MAL2: variants seen among roughly 807,000 people sequenced by gnomAD.
MAL2 encodes the protein protein MAL2.
In MAL2, 17 loss-of-function variants were observed where a neutral mutation model predicts 18.1. That is an observed-to-expected ratio of 0.94 (90% CI 0.64 to 1.41). The LOEUF (loss-of-function observed/expected upper bound fraction) is 1.41, where lower values mean the gene tolerates loss of function less well. Among genes scored for constraint, MAL2 ranks in the 40% most tolerant of loss-of-function variants. MAL2 has a pLI of 0.00. For missense variants in MAL2, 222 were observed against 231.9 expected, an observed-to-expected ratio of 0.96 and a Z score of 0.28; for synonymous variants, 102 against 102.3, an observed-to-expected ratio of 1.00 and a Z score of 0.02.
chr8:119,240,459 A>G, intron 3 of MAL2, 139 bp downstream of exon 3: 1 of 885,552 alleles, frequency 1.1e-6, no homozygotes. Context: ...ATTTATCTGT[A>G]CAATAACCTT....
chr8:119,236,288 A>G (rs1306517407), intron 2 of MAL2, among the ~76,000 whole-genome samples: 1 of 141,592 alleles, frequency 7.1e-6, no homozygotes, highest in African/African-American at 2.8e-5. Context: ...ACCCAGATTC[A>G]TAAAGCAAGT....
At chr8:119,234,195 GACGGACGC>G (rs1469927122) in intron 2 of MAL2, among the ~76,000 whole-genome samples, 3 of 152,208 alleles carry the variant, frequency 2.0e-5, no homozygotes, top group African/African-American at 7.2e-5. Flanking sequence ...AGAAAGGGGT[GACGGACGC>G]ACCGGGAAAA....
At chr8:119,226,040 CAAAAATTTTCTCCCATTCTGTA>C (rs1233146078) in intron 2 of MAL2, among the ~76,000 whole-genome samples, 27 of 151,974 alleles carry the variant, frequency 1.8e-4, no homozygotes, top group Non-Finnish European at 2.4e-4. Context: ...GAGTAGATTG[CAAAAATTTTCTCCCATTCTGTA>C]AAAAATTTTC....
At chr8:119,212,990 AAC>A (rs1817288902) in intron 1 of MAL2, among the ~76,000 whole-genome samples, 1 of 152,190 alleles carries the variant, frequency 6.6e-6, no homozygotes, top group Admixed American at 6.5e-5. Flanking sequence ...TTGGTTGTAA[AAC>A]AAAGGGACTG....
intron 1 of MAL2, among the ~76,000 whole-genome samples, chr8:119,218,113 C>T (rs919798286): frequency 1.3e-5 from 2 of 152,076 alleles, no homozygotes; most frequent in Non-Finnish European, 2.9e-5. Flanking sequence ...AAAGTGGGCT[C>T]AATTATGTTC....
chr8:119,237,742 T>A (rs1471543122), intron 2 of MAL2, among the ~76,000 whole-genome samples: 2 of 151,732 alleles, frequency 1.3e-5, no homozygotes, highest in African/African-American at 4.9e-5. Flanking sequence ...TCAACAACCC[T>A]TCATGCTAAA....
Position 119,208,452 on chromosome 8 carries a change from C to G in MAL2, c.-21C>G. 1 of 1,201,094 alleles carries G rather than the reference C, an allele frequency of 8.3e-7. No homozygotes were observed. Among genetic ancestry groups the G allele is most frequent in the Non-Finnish European group, 1.0e-6 (1 of 967,068 alleles). 74.4% of individuals were successfully genotyped at this position (1,201,094 alleles called of 1,614,324 possible). A position where few individuals can be genotyped will look rare whatever the true frequency, so the allele number is the denominator to read the frequency against. ...GGGAGGCGGCGGCGGCGCGCGGAGACGCAGCAGCGGCAGCGGCAGCATGTC... is the reference window on the plus strand; with the variant it reads ...GGGAGGCGGCGGCGGCGCGCGGAGAGGCAGCAGCGGCAGCGGCAGCATGTC... On this transcript the variant is annotated 5_prime_UTR_variant, in exon 1 of 4. Transcript: ENST00000614891. The surrounding 1 kb of genome is among the most constrained non-coding windows in gnomAD (Gnocchi z 4.3).
intron 1 of MAL2, among the ~76,000 whole-genome samples, chr8:119,219,935 T>C (rs981427207): frequency 1.4e-4 from 21 of 152,164 alleles, no homozygotes; most frequent in Admixed American, 1.3e-3. Flanking sequence ...CAAGTACACA[T>C]AGGGAGGGAA....
At chr8:119,236,825 C>T (rs901737550) in intron 2 of MAL2, among the ~76,000 whole-genome samples, 1 of 150,896 alleles carries the variant, frequency 6.6e-6, no homozygotes, top group African/African-American at 2.5e-5. Context: ...CACTAAATGC[C>T]CACAAGAGAA....
At chr8:119,234,904 C>T (rs1817842245) in intron 2 of MAL2, among the ~76,000 whole-genome samples, 1 of 152,134 alleles carries the variant, frequency 6.6e-6, no homozygotes, top group South Asian at 2.1e-4. Flanking sequence ...CAGAGCACCT[C>T]TCCTCCTCCA....
chr8:119,240,456 T>C, intron 3 of MAL2, 136 bp downstream of exon 3: 1 of 909,448 alleles, frequency 1.1e-6, no homozygotes, highest in Non-Finnish European at 1.6e-6. Context: ...GCTATTTATC[T>C]GTACAATAAC....
At chr8:119,217,320 T>C (rs1170591519) in intron 1 of MAL2, among the ~76,000 whole-genome samples, 1 of 152,220 alleles carries the variant, frequency 6.6e-6, no homozygotes, top group Non-Finnish European at 1.5e-5. Context: ...ATTTAATAAC[T>C]GCAACTCAGA....
chr8:119,234,804 T>A (rs1394420669), intron 2 of MAL2, among the ~76,000 whole-genome samples: 1 of 151,408 alleles, frequency 6.6e-6, no homozygotes, highest in Admixed American at 6.6e-5. Flanking sequence ...CGAAAACCCA[T>A]CTGTACATCA....
At chr8:119,212,340 A>G (rs183475441) in intron 1 of MAL2, among the ~76,000 whole-genome samples, 12 of 152,334 alleles carry the variant, frequency 7.9e-5, no homozygotes, top group Admixed American at 7.2e-4. Flanking sequence ...TCCCCAAGTT[A>G]TTCATTCACA....
At chr8:119,236,527 T>C (rs1393840016) in intron 2 of MAL2, among the ~76,000 whole-genome samples, 1 of 151,142 alleles carries the variant, frequency 6.6e-6, no homozygotes, top group Non-Finnish European at 1.5e-5. Context: ...ATTCCAAAAT[T>C]GACCACATAG....
Position 119,215,494 on chromosome 8 carries a change from T to C in MAL2, c.133-6093T>C, listed in dbSNP as rs1328617758. On this transcript the variant is annotated intron_variant, in intron 1 of 3. Coordinates refer to ENST00000614891, the MANE Select transcript of MAL2 (RefSeq NM_052886.3). ...AGATGTTGAAGGCAATGTCACCGACTCTGACGTCACAGTCTAGTGGGTGAA... is the reference window on the plus strand; with the variant it reads ...AGATGTTGAAGGCAATGTCACCGACCCTGACGTCACAGTCTAGTGGGTGAA... 2.6e-5 allele frequency: 4 copies of C among 152,236 alleles called. No individual in the cohort carries two copies. The East Asian group carries it at 7.7e-4, about 29-fold the overall frequency. 9.4% of individuals were successfully genotyped at this position (152,236 alleles called of 1,614,324 possible).
intron 3 of MAL2, among the ~76,000 whole-genome samples, chr8:119,242,026 A>T (rs1818057580): frequency 6.6e-6 from 1 of 152,102 alleles, no homozygotes; most frequent in Non-Finnish European, 1.5e-5. Context: ...AAGTTCAGGG[A>T]CTTTCCTATG....
chr8:119,223,686 C>G (rs913089802), intron 2 of MAL2: 1 of 152,132 alleles, frequency 6.6e-6, no homozygotes, highest in Non-Finnish European at 1.5e-5. Flanking sequence ...CAATGCACAG[C>G]GTTGATTGTA....
intron 2 of MAL2, chr8:119,223,904 A>G (rs888476936): frequency 6.6e-6 from 1 of 152,074 alleles, no homozygotes; most frequent in Non-Finnish European, 1.5e-5. Flanking sequence ...CTTTTTAGCC[A>G]TGTATATAAT....
Sources: gnomAD v4.1 joint callset for allele counts (sites outside exome capture counted in the v4.1 genomes callset) on GRCh38, gnomAD v4.1.1 for gene constraint, Gnocchi (gnomAD v3.1) non-coding constraint, MANE v1.5 for transcripts, NCBI Gene and HGNC (gene_info 2026-07-23, HGNC 2026-07-21) for gene names.